Variants in ILDR1 observed in about 807,000 individuals in gnomAD.
The protein encoded by ILDR1 is immunoglobulin like domain containing receptor 1, also known as immunoglobulin-like domain-containing receptor 1.
A neutral mutation model predicts 62.4 loss-of-function variants in ILDR1; 56 were observed. The ratio of observed to expected loss-of-function variants is 0.90; its 90% CI spans 0.72 to 1.12. The LOEUF is 1.12. Among genes scored for constraint, ILDR1 ranks in the 50% most tolerant of loss-of-function variants. ILDR1 has a pLI of 0.00. For missense variants in ILDR1, 736 were observed against 710.6 expected (o/e 1.04, Z -0.41); for synonymous variants, 284 against 277.8 (o/e 1.02, Z -0.22).
the ILDR1 span, among the ~76,000 whole-genome samples, chr3:122,061,320 T>C: frequency 6.6e-6 from 1 of 152,200 alleles, no homozygotes; most frequent in Non-Finnish European, 1.5e-5. Context: ...ACAAATGAAA[T>C]TGCTGATACT....
the ILDR1 span, among the ~76,000 whole-genome samples, chr3:122,030,621 TTTTC>T: frequency 9.9e-6 from 1 of 101,112 alleles, no homozygotes; most frequent in East Asian, 2.0e-4. Flanking sequence ...AGGCAAGGGT[TTTTC>T]TCTCTCTCTC....
the ILDR1 span, among the ~76,000 whole-genome samples, chr3:122,050,564 G>T: frequency 7.1e-6 from 1 of 141,346 alleles, no homozygotes; most frequent in African/African-American, 2.7e-5. Context: ...CCACAGTTAT[G>T]GATGTCACAA....
rs899438782 is a variant in ILDR1, at chr3:122,022,235, G to A, written c.-158C>T. On this transcript the variant is annotated 5_prime_UTR_variant, in exon 1 of 8. Coordinates refer to ENST00000344209, the MANE Select transcript of ILDR1 (RefSeq NM_001199799.2). ...AGGGAGCGTCCGCTCTGGTCCCGGG[G>A]CAGGTGCCGCCCGGCTCGTCCCCAC... is the stretch of plus-strand genomic sequence containing the variant. The A allele has an allele frequency of 4.1e-5, 25 of 610,972 alleles. No homozygotes were observed. Among genetic ancestry groups the A allele is most frequent in the Non-Finnish European group, 6.0e-5 (22 of 365,996 alleles). The allele number at this position is 610,972 out of a possible 1,614,324, so 37.8% of individuals were successfully genotyped here.
chr3:122,060,889 ATTTC>A, the ILDR1 span, among the ~76,000 whole-genome samples: 10 of 152,146 alleles, frequency 6.6e-5, no homozygotes, highest in Non-Finnish European at 1.5e-4. Context: ...CCCAAGAGGA[ATTTC>A]AGGGATCATT....
the ILDR1 span, among the ~76,000 whole-genome samples, chr3:122,038,370 C>T: frequency 6.6e-6 from 1 of 152,178 alleles, no homozygotes; most frequent in African/African-American, 2.4e-5. Context: ...ATAGCCCATA[C>T]CCTAGCACAG....
At chr3:121,992,750 T>C (rs1265736787) in intron 7 of ILDR1, among the ~76,000 whole-genome samples, 3 of 152,224 alleles carry the variant, frequency 2.0e-5, no homozygotes, top group African/African-American at 7.2e-5. Context: ...AATGGGTTGC[T>C]AAGTAAAGAA....
At chr3:122,044,281 T>G in the ILDR1 span, among the ~76,000 whole-genome samples, 1 of 66,258 alleles carries the variant, frequency 1.5e-5, no homozygotes, top group Non-Finnish European at 2.9e-5. Flanking sequence ...TTGATCATGG[T>G]GGATAAGCTT....
chr3:122,059,507 G>T, the ILDR1 span, among the ~76,000 whole-genome samples: 1 of 150,142 alleles, frequency 6.7e-6, no homozygotes, highest in African/African-American at 2.5e-5. Context: ...CGGCACTCCA[G>T]CCTGGGTGAC....
At chr3:122,053,707 A>G in the ILDR1 span, among the ~76,000 whole-genome samples, 2 of 152,270 alleles carry the variant, frequency 1.3e-5, no homozygotes, top group East Asian at 3.9e-4. Flanking sequence ...ATGTACTATT[A>G]ATGTACTATT....
the ILDR1 span, among the ~76,000 whole-genome samples, chr3:122,036,159 G>A: frequency 0.013 from 1,942 of 152,300 alleles, 42 homozygotes; most frequent in African/African-American, 0.044. Flanking sequence ...TTTTGAACTC[G>A]AAAGAGATGA....
chr3:121,988,382 C>A lies in ILDR1; in HGVS notation c.1626G>T (p.Arg542Ser). 1 of 1,613,840 alleles carries A rather than the reference C, an allele frequency of 6.2e-7. No individual in the cohort carries two copies. The highest frequency in any genetic ancestry group is 1.1e-5 in the South Asian group (1 of 91,062). Reference sequence around the variant, plus strand: ...TGCTTGGTGACTAAATGACCACACTCCTTCCACTATGAGAGCTGTCTTTCT... The same window carrying A: ...TGCTTGGTGACTAAATGACCACACTACTTCCACTATGAGAGCTGTCTTTCT... ...RSEKDSSHSG[R>S]SVVI The change falls in exon 8 of 8, where the codon AGG becomes AGT. Residue 542 changes from arginine to serine, a missense_variant. Arg to Ser is a moderately radical substitution (Grantham distance 110). Transcript: ENST00000344209.
chr3:122,020,256 C>T (rs2107681384), intron 1 of ILDR1, among the ~76,000 whole-genome samples: 1 of 152,306 alleles, frequency 6.6e-6, no homozygotes, highest in East Asian at 1.9e-4. Flanking sequence ...CACTTTAAAA[C>T]CTTAATTTCA....
the ILDR1 span, among the ~76,000 whole-genome samples, chr3:122,029,374 G>A: frequency 6.6e-6 from 1 of 151,884 alleles, no homozygotes; most frequent in African/African-American, 2.4e-5. Context: ...AGGCGTGGTG[G>A]TGCACACCTG....
chr3:122,031,790 T>A, the ILDR1 span, among the ~76,000 whole-genome samples: 6 of 152,214 alleles, frequency 3.9e-5, no homozygotes, highest in Admixed American at 6.5e-5. Flanking sequence ...AAATTTCTGT[T>A]GTTTATAAAC....
At chr3:122,032,544 A>C in the ILDR1 span, among the ~76,000 whole-genome samples, 1 of 152,182 alleles carries the variant, frequency 6.6e-6, no homozygotes, top group Non-Finnish European at 1.5e-5. Flanking sequence ...TATGTCCATA[A>C]ATTCTTCAAC....
At chr3:122,045,998 A>G in the ILDR1 span, among the ~76,000 whole-genome samples, 1 of 143,752 alleles carries the variant, frequency 7.0e-6, no homozygotes, top group South Asian at 2.3e-4. Context: ...TAGTTGATGC[A>G]GTTTCTTCCT....
chr3:122,026,706 A>G (rs1056293286), upstream of ILDR1, among the ~76,000 whole-genome samples: 27 of 152,148 alleles, frequency 1.8e-4, no homozygotes, highest in South Asian at 4.1e-4. Flanking sequence ...GTGGCCTAGA[A>G]CAAAACAATC....
chr3:122,022,491 A>C (rs911539176), upstream of ILDR1, among the ~76,000 whole-genome samples: 3 of 152,242 alleles, frequency 2.0e-5, no homozygotes, highest in Non-Finnish European at 4.4e-5. Flanking sequence ...TTATGTGGAT[A>C]TAACTTTCTA....
Position 121,992,318 on chromosome 3 carries a change from A to G in ILDR1, c.1599+832T>C, listed in dbSNP as rs2071360556. Among the ~76,000 whole-genome samples, 3 of 152,032 alleles carry G rather than the reference A, an allele frequency of 2.0e-5. No individual in the cohort carries two copies. In the South Asian group the frequency reaches 6.2e-4, roughly 32 times the overall value. ...CACCCAGCTAATTTTTTGTATTTTT[A>G]GTAGAGACACAGTTTCACCATGTTG... On this transcript the variant is annotated intron_variant, in intron 7 of 7. Coordinates refer to ENST00000344209, the MANE Select transcript of ILDR1 (RefSeq NM_001199799.2).
Sources: gnomAD v4.1 joint callset for allele counts (sites outside exome capture counted in the v4.1 genomes callset) on GRCh38, gnomAD v4.1.1 for gene constraint, MANE v1.5 for transcripts, NCBI Gene and HGNC (gene_info 2026-07-23, HGNC 2026-07-21) for gene names.